The following MARCHF7 variants were observed in gnomAD, a reference collection of about 807,000 sequenced individuals.
MARCHF7 encodes the protein E3 ubiquitin-protein ligase MARCHF7.
A neutral mutation model predicts 76.5 loss-of-function variants in MARCHF7; 20 were observed. The observed-to-expected ratio is 0.26, with a 90% CI of 0.18 to 0.38. The LOEUF is 0.38. Among genes scored for constraint, MARCHF7 ranks in the 10% least tolerant of loss-of-function variants. The pLI is 1.00. For synonymous variants in MARCHF7, 295 were observed against 293.0 expected, an observed-to-expected ratio of 1.01 and a Z score of -0.07; for missense variants, 797 against 812.9, an observed-to-expected ratio of 0.98 and a Z score of 0.24.
At chr2:159,755,579 G>GA (rs1402619524) in intron 8 of MARCHF7, among the ~76,000 whole-genome samples, 2 of 152,156 alleles carry the variant, frequency 1.3e-5, no homozygotes, top group Non-Finnish European at 2.9e-5. Flanking sequence ...CGTTAGTCAG[G>GA]AGGCACTGTG....
chr2:159,767,300 C>G lies in MARCHF7; in HGVS notation c.2073C>G (p.Ser691=). The G allele has an allele frequency of 1.2e-6, 2 of 1,610,422 alleles. 1 individual carries two copies. Among genetic ancestry groups the G allele is most frequent in the South Asian group, 2.2e-5 (2 of 90,800 alleles). Reference sequence around the variant, plus strand: ...TTTCAACAGCTTCAGAGGATGATTCCGAAGAAGACGGAGACCATAACAGGA... The same window carrying G: ...TTTCAACAGCTTCAGAGGATGATTCGGAAGAAGACGGAGACCATAACAGGA... ...MEDLETSEDD[S]EEDGDHNRTF... is the part of the protein sequence containing the mutation. The change falls in exon 12 of 12, where the codon TCC becomes TCG. Residue 691 remains serine (S), a synonymous_variant. Transcript: ENST00000409175.
At chr2:159,747,207 A>G (rs1705010321) in intron 6 of MARCHF7, among the ~76,000 whole-genome samples, 1 of 152,212 alleles carries the variant, frequency 6.6e-6, no homozygotes, top group African/African-American at 2.4e-5. Flanking sequence ...TATTTTAGCA[A>G]ATATAACACA....
intron 4 of MARCHF7, among the ~76,000 whole-genome samples, chr2:159,736,179 G>C (rs7603274): frequency 0.34 from 52,398 of 152,006 alleles, 9,234 homozygotes; most frequent in South Asian, 0.44. Context: ...GTGTTCAATC[G>C]TTTGGGGAAC....
intron 1 of MARCHF7, among the ~76,000 whole-genome samples, chr2:159,713,253 C>G (rs1221472934): frequency 6.6e-6 from 1 of 152,146 alleles, no homozygotes; most frequent in Non-Finnish European, 1.5e-5. Flanking sequence ...ACCTGTTGGC[C>G]TAAGAAGTAA....
rs544409053 is a variant in MARCHF7 at position 159,748,912 on chromosome 2, G to A, written c.1613+9G>A. 59 of 1,579,338 alleles carry A rather than the reference G, an allele frequency of 3.7e-5. No individual in the cohort carries two copies. In the African/African-American group the frequency reaches 7.5e-4, roughly 20 times the overall value. On this transcript the variant is annotated intron_variant, in intron 7 of 11. Transcript: ENST00000409175. The stretch of plus-strand genomic sequence containing the variant: ...CAGAAAATAAAAGAGAGGTAAATTC[G>A]AATACCTGTCTTAAGCCTATAAATC...
chr2:159,722,343 G>A (rs1701726913), intron 3 of MARCHF7, among the ~76,000 whole-genome samples: 1 of 152,056 alleles, frequency 6.6e-6, no homozygotes, highest in Admixed American at 6.6e-5. Context: ...TCACTGTGTT[G>A]GCCAGGCTGG....
chr2:159,729,725 T>G (rs1702563074), intron 4 of MARCHF7, among the ~76,000 whole-genome samples: 2 of 151,524 alleles, frequency 1.3e-5, no homozygotes, highest in African/African-American at 4.8e-5. Flanking sequence ...CGTAAAAACA[T>G]AAGTATAAAT....
rs1705181360 is a variant in MARCHF7, at chr2:159,748,555, A to G, written c.1265A>G (p.His422Arg). ...ACCTCTGATACATCATCTAGATCTC[A>G]TATTTTTAGAAGAGAATCAAATGAA... ...IPTSDTSSRS[H>R]IFRRESNEVV... Residue 422 changes from histidine to arginine, a missense_variant, in exon 7 of 12, where the codon CAT becomes CGT. Around this residue, in one of 3 missense-constraint regions of MARCHF7, gnomAD observed 643 missense variants for 631.5 expected, o/e 1.02. Transcript: ENST00000409175. 1.9e-6 allele frequency: 3 copies of G among 1,613,316 alleles called. No homozygotes were observed. The highest frequency in any genetic ancestry group is 1.3e-5 in the African/African-American group (1 of 74,914).
chr2:159,743,336 T>A, intron 5 of MARCHF7, 83 bp downstream of exon 5: 3 of 1,276,122 alleles, frequency 2.4e-6, no homozygotes, highest in South Asian at 1.4e-5. Flanking sequence ...ATGAGGCAAG[T>A]AGATTTTATA....
At chr2:159,752,675 G>A in intron 8 of MARCHF7, 104 bp downstream of exon 8, 1 of 1,069,704 alleles carries the variant, frequency 9.3e-7, no homozygotes, top group Non-Finnish European at 1.3e-6. Flanking sequence ...CTTTTAACAA[G>A]TGTCTTAATC....
chr2:159,723,711 CTA>C (rs1284766220), intron 3 of MARCHF7, among the ~76,000 whole-genome samples: 1 of 152,112 alleles, frequency 6.6e-6, no homozygotes, highest in Admixed American at 6.5e-5. Context: ...ATTATTAAGA[CTA>C]TGTAAATATT....
At chr2:159,752,291 A>C in intron 7 of MARCHF7, 111 bp from the exon 8 acceptor site, 2 of 984,520 alleles carry the variant, frequency 2.0e-6, no homozygotes, top group Non-Finnish European at 2.8e-6. Context: ...TTTTCCACCC[A>C]GAGACAGTGT....
intron 4 of MARCHF7, among the ~76,000 whole-genome samples, chr2:159,739,099 A>G (rs964711735): frequency 2.0e-5 from 3 of 152,222 alleles, no homozygotes; most frequent in Non-Finnish European, 1.5e-5. Context: ...CCAAAATCGG[A>G]GCAGGAGGCG....
Position 159,712,568 on chromosome 2 carries a change from C to T in MARCHF7, c.-181C>T, listed in dbSNP as rs908882587. On this transcript the variant is annotated 5_prime_UTR_variant, in exon 1 of 12. Transcript: ENST00000409175. ...TGTGCTTCGCTGCCGACTGCATTTC[C>T]TCAGTCACGGGCCTAGAACTCCAAG... 1 of 152,682 alleles carries T rather than the reference C, an allele frequency of 6.5e-6. No homozygotes were observed. Among genetic ancestry groups the T allele is most frequent in the Non-Finnish European group, 1.5e-5 (1 of 68,178 alleles). 9.5% of individuals were successfully genotyped at this position (152,682 alleles called of 1,614,324 possible).
chr2:159,727,309 T>C (rs374824568), intron 3 of MARCHF7, among the ~76,000 whole-genome samples: 1 of 152,262 alleles, frequency 6.6e-6, no homozygotes, highest in African/African-American at 2.4e-5. Flanking sequence ...TTTTTAAGGC[T>C]GGGCACGGTG....
At chr2:159,721,410 T>G (rs531009948) in intron 3 of MARCHF7, among the ~76,000 whole-genome samples, 16 of 152,308 alleles carry the variant, frequency 1.1e-4, no homozygotes, top group African/African-American at 3.6e-4. Context: ...AATACAGGTT[T>G]TTTACTCTTG....
At chr2:159,720,745 T>G (rs1701544490) in intron 3 of MARCHF7, among the ~76,000 whole-genome samples, 1 of 152,214 alleles carries the variant, frequency 6.6e-6, no homozygotes. Flanking sequence ...GATTACTAAA[T>G]TGGGACCACC....
At chr2:159,716,281 A>G (rs1246600631) in intron 3 of MARCHF7, among the ~76,000 whole-genome samples, 2 of 151,136 alleles carry the variant, frequency 1.3e-5, no homozygotes, top group Admixed American at 1.3e-4. Context: ...TTTTTTTAAG[A>G]AAAGGATATG....
rs1553788009 is a variant in MARCHF7, at chr2:159,764,241, T to TGC, written c.2008-384_2008-383insCG. Among the ~76,000 whole-genome samples, 20 of 148,314 alleles carry TGC rather than the reference T, an allele frequency of 1.3e-4. No homozygotes were observed. The East Asian group carries it at 2.6e-3, about 19-fold the overall frequency. On this transcript the variant is annotated intron_variant, in intron 10 of 11. Coordinates refer to ENST00000409175, the MANE Select transcript of MARCHF7 (RefSeq NM_001282805.2). ...GTGTGTGTGTGTGTGTGTGTGTGTGTGTGTGTGTGTGTGTGCGCGCGCCCA... is the reference window on the plus strand; with the variant it reads ...GTGTGTGTGTGTGTGTGTGTGTGTGTGCGTGTGTGTGTGTGTGCGCGCGCCCA...
Sources: gnomAD v4.1 joint callset for allele counts (sites outside exome capture counted in the v4.1 genomes callset) on GRCh38, gnomAD v4.1.1 for gene constraint, gnomAD v4.1.1 regional missense constraint, MANE v1.5 for transcripts, NCBI Gene and HGNC (gene_info 2026-07-23, HGNC 2026-07-21) for gene names.